The following KMT2C variants were observed in gnomAD, a reference collection of about 807,000 sequenced individuals.
The protein encoded by KMT2C is lysine methyltransferase 2C, also known as histone-lysine N-methyltransferase 2C.
A neutral mutation model predicts 507.9 loss-of-function variants in KMT2C; 88 were observed. That is an observed-to-expected ratio of 0.17 (90% confidence interval 0.15 to 0.21). The LOEUF (loss-of-function observed/expected upper bound fraction) is 0.21. Ranked by LOEUF, KMT2C falls within the 10% of genes least tolerant of loss-of-function variation. KMT2C has a pLI of 1.00. For missense variants in KMT2C, 4,954 were observed against 5,957.8 expected (o/e 0.83, Z 5.55); for synonymous variants, 2,049 against 2,080.8 (o/e 0.98, Z 0.42).
chr7:152,353,446 C>G (rs2097129261), intron 2 of KMT2C, among the ~76,000 whole-genome samples: 1 of 152,096 alleles, frequency 6.6e-6, no homozygotes, highest in Non-Finnish European at 1.5e-5. Flanking sequence ...AATGGCTACT[C>G]CTAGATTACT....
At position 152,155,848 on chromosome 7, in the gene KMT2C, ACATT is replaced by A. The variant is rs1014347071; in HGVS notation, c.11960+58_11960+61del. 10 of 1,478,960 alleles carry A rather than the reference ACATT, an allele frequency of 6.8e-6. No homozygotes were observed. The East Asian group carries it at 1.7e-4, about 25-fold the overall frequency. The allele number at this position is 1,478,960 out of a possible 1,614,324, so 91.6% of individuals were successfully genotyped here. A position where few individuals can be genotyped will look rare whatever the true frequency, so the allele number is the denominator to read the frequency against. Reference sequence around the variant, plus strand: ...CCTAAAGACATTATGCCACATACATACATTTATTTTTTTTAAAAGAAGAAATAAC... The same window carrying A: ...CCTAAAGACATTATGCCACATACATATATTTTTTTTAAAAGAAGAAATAAC... On this transcript the variant is annotated intron_variant, in intron 46 of 58. Coordinates refer to ENST00000262189, the MANE Select transcript of KMT2C (RefSeq NM_170606.3).
Position 152,385,611 on chromosome 7 carries a change from C to CAAAAAAAAA in KMT2C, c.162-26945_162-26937dup, listed in dbSNP as rs1160527130. Among the ~76,000 whole-genome samples, 59 of 19,444 alleles carry CAAAAAAAAA rather than the reference C, an allele frequency of 3.0e-3. 7 individuals carry two copies. The highest frequency in any genetic ancestry group is 4.3e-3 in the Admixed American group (4 of 928). The allele number at this position is 19,444 out of a possible 152,430, so 12.8% of individuals were successfully genotyped here. ...TGGGCGACAGAGCGAGACTCCGTCTCAAAAAAAAAAAAAAAAAAAAAAAAA... is the reference window on the plus strand; with the variant it reads ...TGGGCGACAGAGCGAGACTCCGTCTCAAAAAAAAAAAAAAAAAAAAAAAAAAAAAAAAAA... On this transcript the variant is annotated intron_variant, in intron 1 of 58. Transcript: ENST00000262189.
Position 152,347,802 on chromosome 7 carries a change from CTTAA to C in KMT2C, c.250+10781_250+10784del, listed in dbSNP as rs1260491916. ...TTTATGCATTCATGCATACCTTTTT[CTTAA>C]TTTTTTAAATATTTCTAGGCTACAC... is the stretch of plus-strand genomic sequence containing the variant. On this transcript the variant is annotated intron_variant, in intron 2 of 58. Coordinates refer to ENST00000262189, the MANE Select transcript of KMT2C (RefSeq NM_170606.3). 2.0e-5 allele frequency among the ~76,000 whole-genome samples: 3 copies of C among 152,226 alleles called. No homozygotes were observed. The East Asian group carries it at 5.8e-4, about 29-fold the overall frequency.
At chr7:152,227,684 A>G (rs1283294499) in intron 18 of KMT2C, among the ~76,000 whole-genome samples, 6 of 152,240 alleles carry the variant, frequency 3.9e-5, no homozygotes, top group Non-Finnish European at 8.8e-5. Flanking sequence ...ACAGTACTCA[A>G]AATGAAGAAG....
At chr7:152,424,430 T>C (rs1241693537) in intron 1 of KMT2C, among the ~76,000 whole-genome samples, 2 of 152,138 alleles carry the variant, frequency 1.3e-5, no homozygotes, top group Admixed American at 6.6e-5. Context: ...TTTTTTTGTG[T>C]GTGAGAGAGA....
intron 15 of KMT2C, among the ~76,000 whole-genome samples, chr7:152,237,005 T>C (rs1239965097): frequency 1.2e-4 from 19 of 152,188 alleles, no homozygotes; most frequent in Admixed American, 9.2e-4. Context: ...ATGTGTTAAA[T>C]TCCCTGATAA....
At chr7:152,410,273 A>G (rs5027105) in intron 1 of KMT2C, among the ~76,000 whole-genome samples, 35,796 of 150,166 alleles carry the variant, frequency 0.24, 841 homozygotes, top group African/African-American at 0.41. Context: ...TTAGCTGGGC[A>G]TAGTGGCTGG....
intron 1 of KMT2C, among the ~76,000 whole-genome samples, chr7:152,434,758 C>T (rs1320774368): frequency 6.6e-6 from 1 of 152,218 alleles, no homozygotes; most frequent in Admixed American, 6.5e-5. Flanking sequence ...GAAGACATTT[C>T]TGGTCCTCTA....
intron 2 of KMT2C, among the ~76,000 whole-genome samples, chr7:152,341,779 G>T (rs2129220091): frequency 6.6e-6 from 1 of 152,322 alleles, no homozygotes; most frequent in South Asian, 2.1e-4. Flanking sequence ...GACAGGTAAA[G>T]TTAAATTGTT....
chr7:152,148,089 A>C lies in KMT2C; in HGVS notation c.13838T>G (p.Ile4613Ser). The change falls in exon 52 of 59, where the codon ATC becomes AGC. Residue 4613 changes from isoleucine to serine, a missense_variant. Ile to Ser is a moderately radical substitution (Grantham distance 142). Transcript: ENST00000262189. This position sits in a 1 kb window ranked among gnomAD's most constrained non-coding sequence, Gnocchi z 7.1. ...EEKDGRPVFV[I>S]RIVEQGHEDL... ...TTCATGGCCTTGTTCCACAATCCTG[A>C]TGACAAACACTGGGCGCCCATCCTT... The C allele has an allele frequency of 6.2e-7, 1 of 1,609,306 alleles. No homozygotes were observed. The highest frequency in any genetic ancestry group is 8.5e-7 in the Non-Finnish European group (1 of 1,176,172).
At position 152,229,060 on chromosome 7, in the gene KMT2C, A is replaced by G. The variant is rs548669426; in HGVS notation, c.2976+863T>C. On this transcript the variant is annotated intron_variant, in intron 18 of 58. Transcript: ENST00000262189. ...GATTTGCTTACTATACTGACATTTT[A>G]CTGACAATGATATAATACAGTGATG... Among the ~76,000 whole-genome samples the G allele has an allele frequency of 3.0e-4, 45 of 152,334 alleles. 2 individuals carry two copies. In the South Asian group the frequency reaches 5.2e-3, roughly 18 times the overall value.
intron 7 of KMT2C, among the ~76,000 whole-genome samples, chr7:152,269,472 T>C (rs879234216): frequency 6.6e-6 from 1 of 152,124 alleles, no homozygotes; most frequent in African/African-American, 2.4e-5. Flanking sequence ...TTTGGTGTCA[T>C]GACAGAAATT....
At chr7:152,168,412 T>C (rs1355668244) in intron 41 of KMT2C, among the ~76,000 whole-genome samples, 5 of 152,196 alleles carry the variant, frequency 3.3e-5, no homozygotes, top group Admixed American at 2.0e-4. Flanking sequence ...TAGGGGGAAT[T>C]TCAAAAGGTC....
chr7:152,244,912 C>CA (rs2095444863), intron 14 of KMT2C, among the ~76,000 whole-genome samples: 2 of 152,076 alleles, frequency 1.3e-5, no homozygotes, highest in Non-Finnish European at 2.9e-5. Context: ...AGGAAAAATA[C>CA]AAAAAACTAA....
At chr7:152,153,490 A>C (rs1372669603) in intron 48 of KMT2C, among the ~76,000 whole-genome samples, 2 of 152,242 alleles carry the variant, frequency 1.3e-5, no homozygotes, top group African/African-American at 4.8e-5. Flanking sequence ...GAACATTTCT[A>C]TTGCTTCTGC....
At chr7:152,316,942 G>A (rs749128984) in intron 3 of KMT2C, among the ~76,000 whole-genome samples, 1 of 151,910 alleles carries the variant, frequency 6.6e-6, no homozygotes, top group Non-Finnish European at 1.5e-5. Flanking sequence ...TGTTCTCTGA[G>A]CTATTAAGCT....
intron 9 of KMT2C, among the ~76,000 whole-genome samples, chr7:152,254,564 T>A (rs946082875): frequency 6.6e-6 from 1 of 152,056 alleles, no homozygotes; most frequent in African/African-American, 2.4e-5. Context: ...AAAGTAAAAA[T>A]GGATGGGTAT....
chr7:152,381,802 C>T (rs1276182351), intron 1 of KMT2C, among the ~76,000 whole-genome samples: 6 of 152,090 alleles, frequency 3.9e-5, no homozygotes, highest in Non-Finnish European at 5.9e-5. Context: ...TTGATTATTC[C>T]TTTTATTTTG....
At chr7:152,394,366 T>C (rs2097524120) in intron 1 of KMT2C, among the ~76,000 whole-genome samples, 1 of 152,312 alleles carries the variant, frequency 6.6e-6, no homozygotes, top group Admixed American at 6.5e-5. Flanking sequence ...TCTCTTATGA[T>C]GTTTTCTCCA....
Sources: allele counts gnomAD v4.1 joint callset (sites outside exome capture counted in the v4.1 genomes callset), GRCh38; gene constraint gnomAD v4.1.1; non-coding constraint Gnocchi (gnomAD v3.1); transcripts MANE v1.5; gene names NCBI Gene and HGNC (gene_info 2026-07-23, HGNC 2026-07-21).